AVIL: variants seen among roughly 807,000 people sequenced by gnomAD.
AVIL encodes the protein advillin.
A neutral mutation model predicts 109.9 loss-of-function variants in AVIL; 78 were observed. The ratio of observed to expected loss-of-function variants is 0.71; its 90% CI spans 0.59 to 0.86. AVIL has a LOEUF of 0.86. Among genes scored for constraint, AVIL ranks in the 40% least tolerant of loss-of-function variants. The pLI, the probability that AVIL is intolerant of heterozygous loss-of-function variation, is 0.00. For missense variants in AVIL, 892 were observed against 1,016.5 expected (o/e 0.88, Z 1.67); for synonymous variants, 367 against 379.1 (o/e 0.97, Z 0.37).
intron 9 of AVIL, 111 bp from the exon 10 acceptor site, chr12:57,808,659 G>A: frequency 7.8e-7 from 1 of 1,281,800 alleles, no homozygotes; most frequent in Non-Finnish European, 1.0e-6. Context: ...TCTCCCCTCT[G>A]GGAGTCAGAG....
At chr12:57,818,461 G>A (rs1262108237) in intron 1 of AVIL, among the ~76,000 whole-genome samples, 168 bp downstream of exon 1, 3 of 151,940 alleles carry the variant, frequency 2.0e-5, no homozygotes, top group African/African-American at 7.3e-5. Flanking sequence ...GCCTCTAAGG[G>A]GTTCTTCTGA....
chr12:57,814,047 C>G, intron 3 of AVIL, 105 bp downstream of exon 3: 1 of 1,214,898 alleles, frequency 8.2e-7, no homozygotes, highest in Non-Finnish European at 1.2e-6. Context: ...CCATTGAGAC[C>G]GATACCAGGG....
chr12:57,798,223 C>T (rs960168371), intron 19 of AVIL, among the ~76,000 whole-genome samples: 1 of 152,178 alleles, frequency 6.6e-6, no homozygotes, highest in Non-Finnish European at 1.5e-5. Context: ...ATTCACTGCT[C>T]TCACAGTGCC....
Position 57,802,364 on chromosome 12 carries a change from T to C in AVIL, c.1963-16A>G. 8 of 1,596,834 alleles carry C rather than the reference T, an allele frequency of 5.0e-6. No individual in the cohort carries two copies. The highest frequency in any genetic ancestry group is 5.1e-6 in the Non-Finnish European group (6 of 1,170,462). On this transcript the variant is annotated splice_polypyrimidine_tract_variant and intron_variant, in intron 16 of 19. Coordinates refer to ENST00000549994, the MANE Select transcript of AVIL (RefSeq NM_006576.4). ...ACAAGAACACCTGTTAAGGTGGAGATTTAATATATGTTACTGTGTTCATAC... is the reference window on the plus strand; with the variant it reads ...ACAAGAACACCTGTTAAGGTGGAGACTTAATATATGTTACTGTGTTCATAC...
chr12:57,808,340 G>A (rs74724134), intron 10 of AVIL, 46 bp from the exon 11 acceptor site: 16,337 of 1,613,966 alleles, frequency 0.01, 108 homozygotes, highest in South Asian at 0.022. Context: ...AGAAGCATCT[G>A]TGCCTGCTTT....
In AVIL at chr12:57,797,599, T is replaced by C. The variant is rs1414548692; in HGVS notation, c.*283A>G. The C allele has an allele frequency of 2.2e-6, 2 of 925,654 alleles. No homozygotes were observed. Among genetic ancestry groups the C allele is most frequent in the Non-Finnish European group, 2.6e-6 (2 of 767,584 alleles). The allele number at this position is 925,654 out of a possible 1,614,324, so 57.3% of individuals were successfully genotyped here. A position where few individuals can be genotyped will look rare whatever the true frequency, so the allele number is the denominator to read the frequency against. On this transcript the variant is annotated 3_prime_UTR_variant, in exon 20 of 20. Coordinates refer to ENST00000549994, the MANE Select transcript of AVIL (RefSeq NM_006576.4). ...TTTTAAGCATTGTTTTTTGGTTCTC[T>C]TTCTTTTGATTTCTCCAGATTTATG... is the stretch of plus-strand genomic sequence containing the variant.
At position 57,810,426 on chromosome 12, in the gene AVIL, G is replaced by T. The variant is rs749753680; in HGVS notation, c.684C>A (p.Gly228=). The T allele has an allele frequency of 2.8e-5, 45 of 1,614,066 alleles. No homozygotes were observed. The highest frequency in any genetic ancestry group is 3.8e-5 in the Non-Finnish European group (45 of 1,180,052). ...CTGTAGGCTTGATAATGGAGCGTCG[G>T]CCAAGGGTGTCCTGAAGGACCTTCA... The part of the protein sequence containing the change: ...ELMKVLQDTL[G]RRSIIKPTVP... Residue 228 remains glycine, a synonymous_variant, in exon 7 of 20, where the codon GGC becomes GGA. Transcript: ENST00000549994.
At chr12:57,812,018 TCTCA>T (rs1057414063) in intron 4 of AVIL, among the ~76,000 whole-genome samples, 2 of 151,976 alleles carry the variant, frequency 1.3e-5, no homozygotes, top group African/African-American at 4.8e-5. Context: ...AAAGACAGGG[TCTCA>T]CTCTGTCACT....
At chr12:57,813,118 T>C (rs1294354770) in intron 4 of AVIL, 109 bp downstream of exon 4, 3 of 1,351,994 alleles carry the variant, frequency 2.2e-6, no homozygotes, top group Non-Finnish European at 3.0e-6. Flanking sequence ...GACAGCTTTG[T>C]TTTGATTTGC....
intron 1 of AVIL, among the ~76,000 whole-genome samples, chr12:57,817,730 G>A (rs145143127): frequency 6.6e-6 from 1 of 152,118 alleles, no homozygotes; most frequent in East Asian, 1.9e-4. Context: ...TTCCCAGCAG[G>A]AATTTAGGAA....
At chr12:57,816,751 C>T (rs1956105617) in intron 1 of AVIL, among the ~76,000 whole-genome samples, 1 of 123,806 alleles carries the variant, frequency 8.1e-6, no homozygotes, top group African/African-American at 3.0e-5. Context: ...TAAACTCAAA[C>T]AACCCTTCCT....
intron 8 of AVIL, 47 bp from the exon 9 acceptor site, chr12:57,809,742 A>T (rs749738692): frequency 3.7e-6 from 6 of 1,613,610 alleles, no homozygotes; most frequent in Admixed American, 3.3e-5. Context: ...CAGAAGGAAG[A>T]TTTTGCACAG....
In AVIL at chr12:57,797,465, A is replaced by G; in HGVS notation, c.*417T>C. 8.1e-6 allele frequency: 8 copies of G among 985,284 alleles called. No homozygotes were observed. The highest frequency in any genetic ancestry group is 9.6e-6 in the Non-Finnish European group (8 of 829,742). 61.0% of individuals were successfully genotyped at this position (985,284 alleles called of 1,614,324 possible). On this transcript the variant is annotated 3_prime_UTR_variant, in exon 20 of 20. Transcript: ENST00000549994. ...TATTTGGATTTTGCCTATGGAGTGC[A>G]TATATGATTTCAATGATTTACAGGC...
intron 1 of AVIL, 44 bp from the exon 2 acceptor site, chr12:57,816,103 T>C: frequency 6.6e-7 from 1 of 1,515,146 alleles, no homozygotes; most frequent in Non-Finnish European, 9.0e-7. Flanking sequence ...TCTCTTGCCA[T>C]AGTGGGCATC....
chr12:57,810,459 T>C lies in AVIL; in HGVS notation c.651A>G (p.Pro217=), dbSNP rs1956021308. The C allele has an allele frequency of 1.2e-6, 2 of 1,614,068 alleles. No homozygotes were observed. Among genetic ancestry groups the C allele is most frequent in the Non-Finnish European group, 1.7e-6 (2 of 1,180,050 alleles). The change falls in exon 7 of 20, where the codon CCA becomes CCG. Residue 217 remains proline, a synonymous_variant. Coordinates refer to ENST00000549994, the MANE Select transcript of AVIL (RefSeq NM_006576.4). ...TGTCCTGAAGGACCTTCATCAGCTC[T>C]GGGCTGGCTGCCTCCTTGTCTCCCT... ...VIEGDKEAAS[P]ELMKVLQDTL...
intron 1 of AVIL, among the ~76,000 whole-genome samples, chr12:57,816,998 G>C (rs1052678612): frequency 2.0e-5 from 3 of 151,928 alleles, no homozygotes; most frequent in Admixed American, 1.3e-4. Flanking sequence ...GTGGGGAGAG[G>C]GGGGAAGTGG....
chr12:57,809,758 G>A, intron 8 of AVIL, 54 bp downstream of exon 8: 2 of 1,612,854 alleles, frequency 1.2e-6, no homozygotes, highest in South Asian at 2.2e-5. Context: ...CACAGGGTCT[G>A]CTTCTGAAGC....
rs756044582 is a variant in AVIL, at chr12:57,809,831, T to C, written c.821A>G (p.Gln274Arg). 3 of 1,614,254 alleles carry C rather than the reference T, an allele frequency of 1.9e-6. No homozygotes were observed. The South Asian group carries it at 3.3e-5, about 18-fold the overall frequency. The change falls in exon 8 of 20, where the codon CAG becomes CGG. Residue 274 changes from glutamine (Q) to arginine (R), a missense_variant. Physicochemically the swap from Gln to Arg is conservative, Grantham distance 43. Transcript: ENST00000549994. The part of the protein sequence containing the change: ...VTEVATRPLV[Q>R]DLLNHDDCYI... ...ACTTACATCATGGTTCAGTAAGTCCTGGACCAGAGGCCTTGTTGCTACCTC... is the reference window on the plus strand; with the variant it reads ...ACTTACATCATGGTTCAGTAAGTCCCGGACCAGAGGCCTTGTTGCTACCTC...
intron 14 of AVIL, among the ~76,000 whole-genome samples, chr12:57,804,805 T>TC (rs1169164660): frequency 1.3e-5 from 2 of 150,064 alleles, no homozygotes; most frequent in Non-Finnish European, 3.0e-5. Context: ...TGAGACTCTG[T>TC]CTCAAAAAAA....
Sources: allele counts gnomAD v4.1 joint callset (sites outside exome capture counted in the v4.1 genomes callset), GRCh38; gene constraint gnomAD v4.1.1; transcripts MANE v1.5; gene names NCBI Gene and HGNC (gene_info 2026-07-23, HGNC 2026-07-21).